The following IFT43 variants were observed in gnomAD, a reference collection of about 807,000 sequenced individuals.
IFT43 encodes intraflagellar transport 43.
Under a neutral mutation model 32.3 loss-of-function variants are expected in IFT43, and 33 were observed. The ratio of observed to expected loss-of-function variants is 1.02; its 90% CI spans 0.77 to 1.37. The LOEUF (loss-of-function observed/expected upper bound fraction) is 1.37. IFT43 is among the 40% of genes most tolerant of loss of function. The probability of loss-of-function intolerance (pLI) is 0.00; values close to 1 mark genes in which losing one functional copy is unlikely to be tolerated. For synonymous variants in IFT43, 93 were observed against 98.2 expected, an observed-to-expected ratio of 0.95 and a Z score of 0.31; for missense variants, 274 against 265.9, an observed-to-expected ratio of 1.03 and a Z score of -0.21.
intron 3 of IFT43, among the ~76,000 whole-genome samples, chr14:76,046,254 G>T (rs999198370): frequency 2.0e-5 from 3 of 152,172 alleles, no homozygotes; most frequent in African/African-American, 7.2e-5. Context: ...AATTAATTGT[G>T]TTGTGGAAAG....
chr14:76,007,655 A>G (rs1339378265), intron 2 of IFT43, among the ~76,000 whole-genome samples: 2 of 152,192 alleles, frequency 1.3e-5, no homozygotes, highest in South Asian at 2.1e-4. Flanking sequence ...GGCTACACAC[A>G]TGCTGGGTTG....
In IFT43 at chr14:75,986,166, G is replaced by A. The variant is rs146071067; in HGVS notation, c.54+326G>A. ...CTTCCCCAGAACAGATCGATCACAG[G>A]GTGATAGGGGAGCCCCGGCCGGGGT... On this transcript the variant is annotated intron_variant, in intron 1 of 8. Transcript: ENST00000314067. The A allele has an allele frequency of 2.9e-3, 3,915 of 1,343,328 alleles. 80 individuals carry two copies. In the African/African-American group the frequency reaches 0.051, roughly 18 times the overall value. The allele number at this position is 1,343,328 out of a possible 1,614,324, so 83.2% of individuals were successfully genotyped here. A position where few individuals can be genotyped will look rare whatever the true frequency, so the allele number is the denominator to read the frequency against.
intron 3 of IFT43, among the ~76,000 whole-genome samples, chr14:76,047,973 T>C (rs937677505): frequency 1.3e-5 from 2 of 151,892 alleles, no homozygotes; most frequent in Non-Finnish European, 2.9e-5. Context: ...GCCCCTTCCG[T>C]TTGGAGATGG....
intron 5 of IFT43, chr14:76,076,573 C>G (rs1402977639): frequency 3.1e-6 from 5 of 1,613,696 alleles, no homozygotes; most frequent in Non-Finnish European, 1.7e-6. Context: ...TGAGTCCAAT[C>G]TAAGAAGTCA....
chr14:76,038,941 C>T lies in IFT43; in HGVS notation c.215+16547C>T, dbSNP rs547610301. 5.3e-5 allele frequency among the ~76,000 whole-genome samples: 8 copies of T among 152,158 alleles called. No homozygotes were observed. The East Asian group carries it at 1.2e-3, about 22-fold the overall frequency. ...GTTAGACCTCGCTCTAACTGGTGGT[C>T]GCATTTGGGCCTGGTGTCCTTTCCT... On this transcript the variant is annotated intron_variant, in intron 3 of 8. Coordinates refer to ENST00000314067, the MANE Select transcript of IFT43 (RefSeq NM_001102564.3).
chr14:76,058,172 T>G (rs537933381), intron 3 of IFT43: 1 of 233,650 alleles, frequency 4.3e-6, no homozygotes, highest in African/African-American at 2.3e-5. Context: ...TCGTCCTTCG[T>G]GTGAAGGGCA....
At position 76,022,348 on chromosome 14, in the gene IFT43, C is replaced by T. The variant is rs555404656; in HGVS notation, c.169C>T (p.Arg57Cys). 699 of 1,613,540 alleles carry T rather than the reference C, an allele frequency of 4.3e-4. 8 individuals are homozygous for T. The South Asian group carries it at 6.7e-3, about 15-fold the overall frequency. ...TGETSSAKLPRCRQGGWAGDS... is the reference protein window; with the variant it reads ...TGETSSAKLPCCRQGGWAGDS... ...GTAGACTTCCTCTGCTAAATTACCTCGCTGCCGACAGGGAGGCTGGGCAGG... is the reference window on the plus strand; with the variant it reads ...GTAGACTTCCTCTGCTAAATTACCTTGCTGCCGACAGGGAGGCTGGGCAGG... Residue 57 changes from arginine to cysteine, a missense_variant, in exon 3 of 9, where the codon CGC becomes TGC. Transcript: ENST00000314067.
chr14:76,082,311 G>A lies in IFT43; in HGVS notation c.312G>A (p.Pro104=), dbSNP rs144732564. ...SDYGGDIPII[P]DLEEVQEEDF... is the part of the protein sequence containing the mutation. Reference sequence around the variant, plus strand: ...TCCTTGCAGATATTCCTATCATTCCGGATCTGGAGGAAGTACAGGAAGAAG... The same window carrying A: ...TCCTTGCAGATATTCCTATCATTCCAGATCTGGAGGAAGTACAGGAAGAAG... The change falls in exon 6 of 9, where the codon CCG becomes CCA. Residue 104 remains proline (P), a synonymous_variant. Coordinates refer to ENST00000314067, the MANE Select transcript of IFT43 (RefSeq NM_001102564.3). The A allele has an allele frequency of 2.4e-4, 392 of 1,613,990 alleles. No homozygotes were observed. Among genetic ancestry groups the A allele is most frequent in the East Asian group, 6.0e-4 (27 of 44,894 alleles).
rs76434541 is a variant in IFT43, at chr14:75,994,625, G to C, written c.147+5648G>C. Among the ~76,000 whole-genome samples the C allele has an allele frequency of 8.5e-3, 1,293 of 152,262 alleles. 17 individuals are homozygous for C. Among genetic ancestry groups the C allele is most frequent in the African/African-American group, 0.03 (1,227 of 41,538 alleles). On this transcript the variant is annotated intron_variant, in intron 2 of 8. Coordinates refer to ENST00000314067, the MANE Select transcript of IFT43 (RefSeq NM_001102564.3). Reference sequence around the variant, plus strand: ...TGACTACATTTTTTGGGTGGGGTGGGGTGCACCTGTTGCAAATCAGGCTTG... The same window carrying C: ...TGACTACATTTTTTGGGTGGGGTGGCGTGCACCTGTTGCAAATCAGGCTTG...
rs2036310075 is a variant in IFT43, at chr14:76,022,414, A to G, written c.215+20A>G. 2 of 1,442,082 alleles carry G rather than the reference A, an allele frequency of 1.4e-6. No homozygotes were observed. Among genetic ancestry groups the G allele is most frequent in the Non-Finnish European group, 2.0e-6 (2 of 1,023,386 alleles). The allele number at this position is 1,442,082 out of a possible 1,614,324, so 89.3% of individuals were successfully genotyped here. A position where few individuals can be genotyped will look rare whatever the true frequency, so the allele number is the denominator to read the frequency against. Reference sequence around the variant, plus strand: ...TTCGAAGTGAGTACCAGCAGCTCATAAGAGTATGGGTGGGGGTGCACACGG... The same window carrying G: ...TTCGAAGTGAGTACCAGCAGCTCATGAGAGTATGGGTGGGGGTGCACACGG... On this transcript the variant is annotated intron_variant, in intron 3 of 8. Transcript: ENST00000314067.
At chr14:76,059,495 G>T in intron 5 of IFT43, 122 bp downstream of exon 5, 2 of 878,362 alleles carry the variant, frequency 2.3e-6, no homozygotes, top group South Asian at 1.4e-5. Flanking sequence ...GTCTTCTGAC[G>T]CATGCTGATG....
Position 75,985,775 on chromosome 14 carries a change from G to C in IFT43, c.-12G>C. On this transcript the variant is annotated 5_prime_UTR_variant, in exon 1 of 9. Coordinates refer to ENST00000314067, the MANE Select transcript of IFT43 (RefSeq NM_001102564.3). ...GTCGGTTTCCAGGAAGTGACGTCAGGCGGCCGCGGAGATGGAGGATTTGCT... is the reference window on the plus strand; with the variant it reads ...GTCGGTTTCCAGGAAGTGACGTCAGCCGGCCGCGGAGATGGAGGATTTGCT... The C allele has an allele frequency of 6.2e-7, 1 of 1,614,204 alleles. No homozygotes were observed. Among genetic ancestry groups the C allele is most frequent in the Non-Finnish European group, 8.5e-7 (1 of 1,180,034 alleles).
chr14:75,997,206 G>A (rs756869299), intron 2 of IFT43, among the ~76,000 whole-genome samples: 4 of 152,212 alleles, frequency 2.6e-5, no homozygotes, highest in Non-Finnish European at 4.4e-5. Context: ...TGGTGGATTT[G>A]TTAATGGAGC....
intron 2 of IFT43, among the ~76,000 whole-genome samples, chr14:75,990,072 T>A (rs1478598077): frequency 1.3e-5 from 2 of 152,206 alleles, no homozygotes; most frequent in Non-Finnish European, 2.9e-5. Flanking sequence ...AGCTGACCCC[T>A]TGGCATCACT....
chr14:76,070,425 AC>A (rs148598210), intron 5 of IFT43, among the ~76,000 whole-genome samples: 13 of 152,214 alleles, frequency 8.5e-5, no homozygotes, highest in Non-Finnish European at 1.8e-4. Flanking sequence ...ATCAATGGAA[AC>A]CCTGATGGCT....
Position 76,021,632 on chromosome 14 carries a change from C to T in IFT43, c.148-695C>T, listed in dbSNP as rs2036294216. ...ATTTTCATGTGTATTTTACCATTTA[C>T]TTAATTCCTTATTGCTAGCAATTTT... On this transcript the variant is annotated intron_variant, in intron 2 of 8. Coordinates refer to ENST00000314067, the MANE Select transcript of IFT43 (RefSeq NM_001102564.3). Among the ~76,000 whole-genome samples, 2 of 152,136 alleles carry T rather than the reference C, an allele frequency of 1.3e-5. 1 individual carries two copies. Among genetic ancestry groups the T allele is most frequent in the South Asian group, 4.1e-4 (2 of 4,828 alleles).
At chr14:76,048,915 C>T (rs1055238432) in intron 3 of IFT43, among the ~76,000 whole-genome samples, 1 of 152,206 alleles carries the variant, frequency 6.6e-6, no homozygotes, top group African/African-American at 2.4e-5. Flanking sequence ...GGCACCTTCT[C>T]TTCATGTACC....
chr14:75,989,724 C>A (rs1175390624), intron 2 of IFT43, among the ~76,000 whole-genome samples: 1 of 152,110 alleles, frequency 6.6e-6, no homozygotes, highest in Non-Finnish European at 1.5e-5. Context: ...ATGTCTGTCT[C>A]CCCCACCGGA....
At position 76,061,206 on chromosome 14, in the gene IFT43, T is replaced by C. The variant is rs1272792192; in HGVS notation, c.295+1833T>C. On this transcript the variant is annotated intron_variant, in intron 5 of 8. Transcript: ENST00000314067. ...TACATTGTTTCTGATGAGAAGACGA[T>C]CATTATTCTTATCTTTGTTCCCCTG... is the stretch of plus-strand genomic sequence containing the variant. Among the ~76,000 whole-genome samples the C allele has an allele frequency of 3.9e-5, 6 of 152,310 alleles. No homozygotes were observed. In the South Asian group the frequency reaches 6.2e-4, roughly 16 times the overall value.
Sources: allele counts gnomAD v4.1 joint callset (sites outside exome capture counted in the v4.1 genomes callset), GRCh38; gene constraint gnomAD v4.1.1; transcripts MANE v1.5; gene names NCBI Gene and HGNC (gene_info 2026-07-23, HGNC 2026-07-21).